Variants in INO80 observed in about 807,000 individuals in gnomAD.
The protein encoded by INO80 is INO80 complex ATPase subunit.
INO80 carries 20 observed loss-of-function variants against 203.4 expected under a neutral mutation model. That is an observed-to-expected ratio of 0.10 (90% CI 0.07 to 0.14). INO80 has a LOEUF of 0.14. Among genes scored for constraint, INO80 ranks in the 10% least tolerant of loss-of-function variants. The pLI is 1.00. For missense variants in INO80, 1,419 were observed against 1,914.4 expected, an observed-to-expected ratio of 0.74 and a Z score of 4.83; for synonymous variants, 726 against 685.2, an observed-to-expected ratio of 1.06 and a Z score of -0.93.
intron 13 of INO80, 135 bp downstream of exon 13, chr15:41,070,332 G>A (rs1596308249): frequency 2.6e-6 from 2 of 757,686 alleles, no homozygotes; most frequent in Non-Finnish European, 4.3e-6. Flanking sequence ...CCCTTATAAA[G>A]CTCTGAGGCA....
chr15:41,015,580 T>C (rs2140456674), intron 27 of INO80, among the ~76,000 whole-genome samples: 1 of 152,102 alleles, frequency 6.6e-6, no homozygotes, highest in East Asian at 1.9e-4. Context: ...GCAGAAGTCC[T>C]TCACATACTC....
chr15:41,013,092 AACAACAACAACC>A (rs1217913908), intron 27 of INO80: 3 of 151,982 alleles, frequency 2.0e-5, no homozygotes, highest in Non-Finnish European at 2.9e-5. Context: ...CAACAACAAC[AACAACAACAACC>A]ACCACAACAA....
chr15:41,106,532 G>C (rs1226277831), intron 1 of INO80, among the ~76,000 whole-genome samples: 1 of 152,058 alleles, frequency 6.6e-6, no homozygotes, highest in Admixed American at 6.6e-5. Flanking sequence ...CTATTTGGGA[G>C]GCTGAGGTGG....
intron 29 of INO80, among the ~76,000 whole-genome samples, chr15:40,988,626 T>C (rs2043773774): frequency 6.6e-6 from 1 of 151,996 alleles, no homozygotes; most frequent in Admixed American, 6.6e-5. Context: ...ACACCTGTAA[T>C]CCCAGCACTT....
At chr15:41,102,319 C>T (rs2045821726) in intron 1 of INO80, among the ~76,000 whole-genome samples, 1 of 152,182 alleles carries the variant, frequency 6.6e-6, no homozygotes, top group African/African-American at 2.4e-5. Flanking sequence ...ATTAGGGCAT[C>T]ATACTGCTTT....
At position 40,980,060 on chromosome 15, in the gene INO80, A is replaced by C. The variant is rs919101639; in HGVS notation, c.*163T>G. ...AGATGCTCCTGATGAGACACAGATG[A>C]TAAAAGTGCTCACACCATCCACCTG... On this transcript the variant is annotated 3_prime_UTR_variant, in exon 36 of 36. Coordinates refer to ENST00000648947, the MANE Select transcript of INO80 (RefSeq NM_017553.3). The C allele has an allele frequency of 1.6e-6, 1 of 644,988 alleles. No individual in the cohort carries two copies. The highest frequency in any genetic ancestry group is 2.7e-5 in the Admixed American group (1 of 37,572). 40.0% of individuals were successfully genotyped at this position (644,988 alleles called of 1,614,324 possible). A position where few individuals can be genotyped will look rare whatever the true frequency, so the allele number is the denominator to read the frequency against.
At chr15:41,101,437 GGAAGAGCCT>G (rs1363990262) in intron 1 of INO80, among the ~76,000 whole-genome samples, 2 of 152,068 alleles carry the variant, frequency 1.3e-5, no homozygotes, top group African/African-American at 4.8e-5. Context: ...CGCTCATCTT[GGAAGAGCCT>G]GAAGAGCAAA....
intron 24 of INO80, among the ~76,000 whole-genome samples, chr15:41,040,493 T>G (rs2044649839): frequency 6.6e-6 from 1 of 152,160 alleles, no homozygotes; most frequent in African/African-American, 2.4e-5. Context: ...AAACGGGATA[T>G]GGAGAGAAAT....
Position 41,056,706 on chromosome 15 carries a change from A to G in INO80, c.1986T>C (p.Ser662=), listed in dbSNP as rs1277456522. 6 of 1,612,688 alleles carry G rather than the reference A, an allele frequency of 3.7e-6. No individual in the cohort carries two copies. The highest frequency in any genetic ancestry group is 1.6e-4 in the Middle Eastern group (1 of 6,078). The change falls in exon 17 of 36, where the codon AGT becomes AGC. Residue 662 remains serine, a splice_region_variant and synonymous_variant. Coordinates refer to ENST00000648947, the MANE Select transcript of INO80 (RefSeq NM_017553.3). ...DEAQALKSSS[S]VRWKILLQFQ... The stretch of plus-strand genomic sequence containing the variant: ...ACTGTAAGAGGATCTTCCAACGAAC[A>G]CTGTTTGATAAAATAAGTTACAAAT...
At chr15:40,983,225 T>C (rs983573002) in intron 34 of INO80, 148 bp from the exon 35 acceptor site, 7 of 611,910 alleles carry the variant, frequency 1.1e-5, no homozygotes, top group African/African-American at 1.8e-5. Context: ...CACTTAATGA[T>C]GGCTAGACCA....
At chr15:41,101,773 A>G (rs1019058946) in intron 1 of INO80, among the ~76,000 whole-genome samples, 1 of 151,672 alleles carries the variant, frequency 6.6e-6, no homozygotes, top group Non-Finnish European at 1.5e-5. Flanking sequence ...GATGATCTCG[A>G]TCTCCTGACC....
intron 24 of INO80, among the ~76,000 whole-genome samples, chr15:41,029,538 T>C (rs1356230424): frequency 6.6e-6 from 1 of 152,222 alleles, no homozygotes; most frequent in Non-Finnish European, 1.5e-5. Flanking sequence ...GCTAGGCCCA[T>C]GTAGCTATGA....
At chr15:41,034,887 TTA>T (rs1354019330) in intron 24 of INO80, among the ~76,000 whole-genome samples, 2 of 152,134 alleles carry the variant, frequency 1.3e-5, no homozygotes, top group Admixed American at 1.3e-4. Flanking sequence ...CTCTTCTGCA[TTA>T]TGTTTCCAAA....
intron 1 of INO80, among the ~76,000 whole-genome samples, chr15:41,104,847 C>T (rs1173067685): frequency 6.6e-6 from 1 of 152,018 alleles, no homozygotes; most frequent in Non-Finnish European, 1.5e-5. Context: ...GCCAACTTAT[C>T]AGTATTTATA....
At chr15:41,099,152 A>G (rs1009217290) in intron 1 of INO80, among the ~76,000 whole-genome samples, 2 of 140,588 alleles carry the variant, frequency 1.4e-5, no homozygotes, top group African/African-American at 2.6e-5. Context: ...GGCTGAGGTG[A>G]GAGGATTGCT....
intron 1 of INO80, among the ~76,000 whole-genome samples, chr15:41,114,725 A>G (rs1156691250): frequency 1.3e-5 from 2 of 151,706 alleles, no homozygotes; most frequent in African/African-American, 4.9e-5. Context: ...AAAAAAAAAA[A>G]GGAATTAAGT....
chr15:41,084,730 A>T (rs1178680574), intron 7 of INO80, among the ~76,000 whole-genome samples: 1 of 152,160 alleles, frequency 6.6e-6, no homozygotes, highest in Non-Finnish European at 1.5e-5. Flanking sequence ...TATTTTATTT[A>T]ATTTTTGAGA....
chr15:41,073,617 G>C (rs1246398534), intron 10 of INO80, 122 bp from the exon 11 acceptor site: 3 of 812,558 alleles, frequency 3.7e-6, no homozygotes, highest in Non-Finnish European at 6.3e-6. Context: ...GTTCACGGAG[G>C]GTGGGGGAAG....
At chr15:41,106,889 C>T (rs983239810) in intron 1 of INO80, among the ~76,000 whole-genome samples, 2 of 152,202 alleles carry the variant, frequency 1.3e-5, no homozygotes, top group Non-Finnish European at 1.5e-5. Context: ...AGCCTGCCTC[C>T]TGCCATCCAT....
Sources: gnomAD v4.1 joint callset for allele counts (sites outside exome capture counted in the v4.1 genomes callset) on GRCh38, gnomAD v4.1.1 for gene constraint, MANE v1.5 for transcripts, NCBI Gene and HGNC (gene_info 2026-07-23, HGNC 2026-07-21) for gene names.